USP54: variants seen among roughly 807,000 people sequenced by gnomAD.
USP54 encodes the protein ubiquitin carboxyl-terminal hydrolase 54.
A neutral mutation model predicts 170.5 loss-of-function variants in USP54; 87 were observed. The observed-to-expected ratio is 0.51, with a 90% CI of 0.43 to 0.61. The LOEUF (loss-of-function observed/expected upper bound fraction) is 0.61, where lower values mean the gene tolerates loss of function less well. USP54 is among the 20% of genes least tolerant of loss of function. The pLI is 0.00. For missense variants in USP54, 1,786 were observed against 2,047.8 expected, an observed-to-expected ratio of 0.87 and a Z score of 2.47; for synonymous variants, 655 against 742.8, an observed-to-expected ratio of 0.88 and a Z score of 1.92.
chr10:73,510,921 A>G (rs1019176712), intron 20 of USP54, among the ~76,000 whole-genome samples: 3 of 152,112 alleles, frequency 2.0e-5, no homozygotes, highest in Non-Finnish European at 2.9e-5. Flanking sequence ...GATTATGTCA[A>G]AATTAATCTG....
Position 73,500,737 on chromosome 10 carries a change from G to A in USP54, c.4413C>T (p.Pro1471=), listed in dbSNP as rs2057938765. The part of the protein sequence containing the change: ...IHDPSVFLLG[P]QLYLPQPQFL... ...ACTGTGGTTGGGGAAGGTAGAGTTG[G>A]GGACCGAGGAGAAACACAGAAGGGT... is the stretch of plus-strand genomic sequence containing the variant. The change falls in exon 23 of 24, where the codon CCC becomes CCT. Residue 1471 remains proline (P), a synonymous_variant. Transcript: ENST00000687698. The A allele has an allele frequency of 1.9e-6, 3 of 1,605,280 alleles. No homozygotes were observed. The highest frequency in any genetic ancestry group is 2.6e-6 in the Non-Finnish European group (3 of 1,176,210).
At chr10:73,569,312 T>C (rs545122096) in intron 4 of USP54, among the ~76,000 whole-genome samples, 5 of 152,360 alleles carry the variant, frequency 3.3e-5, no homozygotes, top group Admixed American at 3.3e-4. Flanking sequence ...TATCTAAAAT[T>C]AGATACTTAA....
At chr10:73,616,010 C>T (rs1405220862) in intron 1 of USP54, among the ~76,000 whole-genome samples, 1 of 149,730 alleles carries the variant, frequency 6.7e-6, no homozygotes, top group African/African-American at 2.5e-5. Flanking sequence ...AGTTCAAGAC[C>T]AGCCTGGCCA....
intron 16 of USP54, among the ~76,000 whole-genome samples, chr10:73,525,129 CTA>C (rs368960865): frequency 6.6e-6 from 1 of 151,804 alleles, no homozygotes; most frequent in African/African-American, 2.4e-5. Context: ...TGGTGCTTAC[CTA>C]TATATATATG....
chr10:73,595,431 G>A (rs2078647616), upstream of USP54, among the ~76,000 whole-genome samples: 1 of 152,146 alleles, frequency 6.6e-6, no homozygotes, highest in African/African-American at 2.4e-5. Flanking sequence ...TTGCAGAAAG[G>A]GTAGAGGGAA....
intron 15 of USP54, 43 bp from the exon 16 acceptor site, chr10:73,526,823 GT>G (rs1274673170): frequency 6.3e-7 from 1 of 1,598,042 alleles, no homozygotes; most frequent in African/African-American, 1.4e-5. Flanking sequence ...ATGAAAGCAG[GT>G]TATAGCAACA....
intron 1 of USP54, among the ~76,000 whole-genome samples, chr10:73,619,011 G>A (rs568304275): frequency 6.7e-6 from 1 of 149,494 alleles, no homozygotes; most frequent in East Asian, 1.9e-4. Context: ...TCAGGAGTTC[G>A]AGACCAGCCT....
chr10:73,519,908 C>A lies in USP54; in HGVS notation c.2567G>T (p.Arg856Leu), dbSNP rs375524328. The change falls in exon 19 of 24, where the codon CGA (arginine) becomes CTA (leucine). Residue 856 changes from arginine to leucine, a missense_variant. By Grantham distance (102) the Arg-to-Leu change is moderately radical. Coordinates refer to ENST00000687698, the MANE Select transcript of USP54 (RefSeq NM_001391956.1). ...GCGATCCTGCAGGCTCCGTGCTTTT[C>A]GAATACTGATTTGCAACTTCTTATC... ...LVDKKLQISI[R>L]KARSLQDRMQ... The A allele has an allele frequency of 6.2e-7, 1 of 1,613,872 alleles. No individual in the cohort carries two copies. The highest frequency in any genetic ancestry group is 1.1e-5 in the South Asian group (1 of 91,046).
intron 1 of USP54, among the ~76,000 whole-genome samples, chr10:73,621,501 G>C (rs753608148): frequency 6.6e-6 from 1 of 150,824 alleles, no homozygotes; most frequent in Admixed American, 6.6e-5. Context: ...TCAGGAGGCT[G>C]AGGCAGAAGA....
intron 1 of USP54, among the ~76,000 whole-genome samples, chr10:73,604,289 T>C (rs2079443455): frequency 6.6e-6 from 1 of 151,938 alleles, no homozygotes; most frequent in South Asian, 2.1e-4. Context: ...AAAAAAACAG[T>C]GTTGGCAAGA....
chr10:73,622,888 A>G (rs886236318), intron 1 of USP54, among the ~76,000 whole-genome samples: 4 of 151,642 alleles, frequency 2.6e-5, no homozygotes, highest in African/African-American at 9.7e-5. Context: ...GGCTGCAGTG[A>G]GCCGTGATTA....
Position 73,532,321 on chromosome 10 carries a change from T to C in USP54, c.1316-1486A>G, listed in dbSNP as rs536405169. 1.7e-3 allele frequency among the ~76,000 whole-genome samples: 253 copies of C among 152,250 alleles called. 1 individual carries two copies. The highest frequency in any genetic ancestry group is 5.9e-3 in the African/African-American group (244 of 41,556). On this transcript the variant is annotated intron_variant, in intron 12 of 23. Coordinates refer to ENST00000687698, the MANE Select transcript of USP54 (RefSeq NM_001391956.1). ...CTGAGTAGCTGGGACTACAGACGCC[T>C]GCCACCACACCCAGCTAACTTTTTG...
At chr10:73,526,192 G>T (rs2062808134) in intron 16 of USP54, among the ~76,000 whole-genome samples, 1 of 152,164 alleles carries the variant, frequency 6.6e-6, no homozygotes, top group South Asian at 2.1e-4. Flanking sequence ...TAAATCCAAA[G>T]ATGGAGCAAC....
chr10:73,573,173 C>T (rs1327721855), intron 3 of USP54, among the ~76,000 whole-genome samples: 2 of 152,158 alleles, frequency 1.3e-5, no homozygotes, highest in South Asian at 2.1e-4. Flanking sequence ...GTCTGTTGTC[C>T]TAGCTACCTA....
chr10:73,621,815 A>G (rs1274450590), intron 1 of USP54, among the ~76,000 whole-genome samples: 3 of 152,164 alleles, frequency 2.0e-5, no homozygotes, highest in Admixed American at 6.6e-5. Flanking sequence ...AAATTTGGTA[A>G]TTTACTCAAT....
At chr10:73,557,878 C>G (rs1405755722) in intron 4 of USP54, among the ~76,000 whole-genome samples, 1 of 114,988 alleles carries the variant, frequency 8.7e-6, no homozygotes, top group Non-Finnish European at 1.8e-5. Flanking sequence ...AGCTATTATT[C>G]TTTTTTTTTT....
intron 1 of USP54, among the ~76,000 whole-genome samples, chr10:73,615,755 T>C (rs1027706012): frequency 6.7e-6 from 1 of 149,140 alleles, no homozygotes; most frequent in Non-Finnish European, 1.5e-5. Flanking sequence ...ACCCTTTTTC[T>C]ATAAAAAATA....
At chr10:73,562,162 T>A (rs1440055476) in intron 4 of USP54, among the ~76,000 whole-genome samples, 1 of 152,096 alleles carries the variant, frequency 6.6e-6, no homozygotes, top group African/African-American at 2.4e-5. Flanking sequence ...TTCAGGCAAT[T>A]TTCAGCTTTC....
intron 15 of USP54, chr10:73,529,400 C>G: frequency 2.3e-6 from 1 of 434,810 alleles, no homozygotes; most frequent in Non-Finnish European, 4.3e-6. Context: ...TCCTATGACA[C>G]AAGTTTATCC....
Sources: gnomAD v4.1 joint callset for allele counts (sites outside exome capture counted in the v4.1 genomes callset) on GRCh38, gnomAD v4.1.1 for gene constraint, MANE v1.5 for transcripts, NCBI Gene and HGNC (gene_info 2026-07-23, HGNC 2026-07-21) for gene names.